The following TRPM3 variants were observed in gnomAD, a reference collection of about 807,000 sequenced individuals.
TRPM3 encodes the protein long transient receptor potential channel 3.
TRPM3 carries 77 observed loss-of-function variants against 181.2 expected under a neutral mutation model. The ratio of observed to expected loss-of-function variants is 0.42; its 90% CI spans 0.35 to 0.51. The LOEUF (loss-of-function observed/expected upper bound fraction) is 0.51, where lower values mean the gene tolerates loss of function less well. Ranked by LOEUF, TRPM3 falls within the 20% of genes least tolerant of loss-of-function variation. The pLI is 0.01. For missense variants in TRPM3, 1,759 were observed against 2,196.7 expected, an observed-to-expected ratio of 0.80 and a Z score of 3.98; for synonymous variants, 745 against 796.4, an observed-to-expected ratio of 0.94 and a Z score of 1.09.
At chr9:70,814,505 G>T (rs1321656635) in intron 6 of TRPM3, among the ~76,000 whole-genome samples, 2 of 152,026 alleles carry the variant, frequency 1.3e-5, no homozygotes, top group African/African-American at 4.8e-5. Flanking sequence ...ACCCTAAAGG[G>T]GTAAAATAAT....
chr9:70,697,947 T>C (rs10124691), intron 8 of TRPM3, among the ~76,000 whole-genome samples: 77,283 of 151,944 alleles, frequency 0.51, 20,519 homozygotes, highest in Non-Finnish European at 0.58. Flanking sequence ...CTGGCTCACA[T>C]CTGTAATCCC....
chr9:70,961,879 C>G (rs150519080), intron 1 of TRPM3, among the ~76,000 whole-genome samples: 113 of 152,170 alleles, frequency 7.4e-4, no homozygotes, highest in African/African-American at 2.5e-3. Flanking sequence ...AGTAGACTCT[C>G]TTTTTAACTG....
chr9:71,327,819 T>C (rs1198450432), intron 1 of TRPM3, among the ~76,000 whole-genome samples: 2 of 152,166 alleles, frequency 1.3e-5, no homozygotes, highest in Non-Finnish European at 2.9e-5. Flanking sequence ...AATGTTTTAA[T>C]GTGTTTATCA....
chr9:71,354,742 A>C (rs193096681), intron 1 of TRPM3, among the ~76,000 whole-genome samples: 2 of 152,332 alleles, frequency 1.3e-5, no homozygotes, highest in East Asian at 3.9e-4. Flanking sequence ...CCTCTGTCAC[A>C]ATTACTACCA....
intron 22 of TRPM3, chr9:70,579,433 G>C (rs181813039): frequency 6.6e-6 from 1 of 152,374 alleles, no homozygotes; most frequent in East Asian, 1.9e-4. Flanking sequence ...GAGTAGCTGT[G>C]ACTACAGGTG....
At chr9:70,836,553 G>C (rs1224324664) in intron 5 of TRPM3, among the ~76,000 whole-genome samples, 2 of 152,086 alleles carry the variant, frequency 1.3e-5, no homozygotes, top group Non-Finnish European at 2.9e-5. Context: ...GCCTTCCTTA[G>C]CCTCTTGATA....
intron 7 of TRPM3, chr9:70,775,849 G>T (rs989289280): frequency 1.3e-5 from 2 of 151,694 alleles, no homozygotes; most frequent in Non-Finnish European, 2.9e-5. Context: ...GACAAAAATT[G>T]TATGTATTTA....
intron 1 of TRPM3, among the ~76,000 whole-genome samples, chr9:71,393,555 T>C (rs1211189861): frequency 6.6e-6 from 1 of 152,184 alleles, no homozygotes; most frequent in South Asian, 2.1e-4. Flanking sequence ...GGAAAATCTT[T>C]GGATACTTTC....
intron 6 of TRPM3, 135 bp downstream of exon 6, chr9:70,827,712 C>G: frequency 1.8e-6 from 2 of 1,119,514 alleles, no homozygotes; most frequent in Non-Finnish European, 2.5e-6. Context: ...ATTCTAAGCT[C>G]TGGCCCGGTA....
chr9:71,131,680 A>G (rs1392412889), intron 1 of TRPM3, among the ~76,000 whole-genome samples: 1 of 152,158 alleles, frequency 6.6e-6, no homozygotes, highest in Non-Finnish European at 1.5e-5. Context: ...TGCTTCCCCA[A>G]ATCTCAACTC....
chr9:71,221,360 A>G (rs2080228926), intron 1 of TRPM3, among the ~76,000 whole-genome samples: 1 of 152,264 alleles, frequency 6.6e-6, no homozygotes, highest in African/African-American at 2.4e-5. Flanking sequence ...TTTAAATGTT[A>G]TGAAATATAT....
chr9:71,019,768 A>G (rs568359940), intron 1 of TRPM3, among the ~76,000 whole-genome samples: 51 of 152,314 alleles, frequency 3.3e-4, no homozygotes, highest in African/African-American at 1.2e-3. Context: ...CAAATAGCCA[A>G]AACAATGATA....
At chr9:71,286,959 A>ATTAT (rs2085328660) in intron 1 of TRPM3, among the ~76,000 whole-genome samples, 1 of 90,526 alleles carries the variant, frequency 1.1e-5, no homozygotes, top group African/African-American at 4.8e-5. Context: ...ATTTTATATA[A>ATTAT]ATTATATATA....
intron 1 of TRPM3, among the ~76,000 whole-genome samples, chr9:71,211,218 A>G (rs1565345842): frequency 6.6e-6 from 1 of 152,212 alleles, no homozygotes; most frequent in East Asian, 1.9e-4. Flanking sequence ...CAGAGTCATT[A>G]ACCGTGATCT....
At chr9:71,005,204 T>C (rs950640371) in intron 1 of TRPM3, among the ~76,000 whole-genome samples, 7 of 152,168 alleles carry the variant, frequency 4.6e-5, no homozygotes, top group Non-Finnish European at 7.3e-5. Flanking sequence ...TTTGGGAGTT[T>C]GAGACCAGCC....
At chr9:71,005,103 C>A (rs138952507) in intron 1 of TRPM3, among the ~76,000 whole-genome samples, 17 of 152,202 alleles carry the variant, frequency 1.1e-4, no homozygotes, top group Non-Finnish European at 2.2e-4. Context: ...TACAGAAAGG[C>A]AACAGCATTA....
intron 6 of TRPM3, among the ~76,000 whole-genome samples, chr9:70,794,089 C>A (rs1389968891): frequency 1.3e-5 from 2 of 151,962 alleles, no homozygotes. Context: ...TTTGGGATAG[C>A]AGATTTTTTT....
chr9:70,544,938 T>C (rs1259017243), intron 25 of TRPM3, among the ~76,000 whole-genome samples: 2 of 152,178 alleles, frequency 1.3e-5, no homozygotes, highest in Admixed American at 6.5e-5. Flanking sequence ...TATAATCTTA[T>C]AGCATACCTA....
At chr9:71,187,610 T>C (rs1304806069) in intron 1 of TRPM3, among the ~76,000 whole-genome samples, 1 of 151,960 alleles carries the variant, frequency 6.6e-6, no homozygotes, top group Non-Finnish European at 1.5e-5. Flanking sequence ...GTAACAGATT[T>C]ATTTTAACCA....
Sources: gnomAD v4.1 joint callset for allele counts (sites outside exome capture counted in the v4.1 genomes callset) on GRCh38, gnomAD v4.1.1 for gene constraint, MANE v1.5 for transcripts, NCBI Gene and HGNC (gene_info 2026-07-23, HGNC 2026-07-21) for gene names.